The following ATAD2B variants were observed in gnomAD, a reference collection of about 807,000 sequenced individuals.
ATAD2B encodes the protein ATPase family AAA domain containing 2B.
A neutral mutation model predicts 167.6 loss-of-function variants in ATAD2B; 40 were observed. That is an observed-to-expected ratio of 0.24 (90% CI 0.19 to 0.31). The LOEUF (loss-of-function observed/expected upper bound fraction) is 0.31, where lower values mean the gene tolerates loss of function less well. ATAD2B is among the 10% of genes least tolerant of loss of function. The pLI is 1.00. For synonymous variants in ATAD2B, 579 were observed against 596.5 expected, an observed-to-expected ratio of 0.97 and a Z score of 0.43; for missense variants, 1,242 against 1,757.2, an observed-to-expected ratio of 0.71 and a Z score of 5.24.
At chr2:23,860,267 C>T (rs1694142566) in intron 12 of ATAD2B, among the ~76,000 whole-genome samples, 1 of 152,202 alleles carries the variant, frequency 6.6e-6, no homozygotes, top group African/African-American at 2.4e-5. Context: ...CTAAATTACA[C>T]AGTCTGTGAT....
chr2:23,696,843 C>T, the ATAD2B span: 1 of 245,564 alleles, frequency 4.1e-6, no homozygotes, highest in Non-Finnish European at 7.8e-6. The surrounding 1 kb of genome is among the most constrained non-coding windows in gnomAD (Gnocchi z 5.5). Flanking sequence ...CCCTCCTGGC[C>T]AGGCAGTCAG....
At chr2:23,768,773 TTCAC>T (rs1462895856) in intron 22 of ATAD2B, among the ~76,000 whole-genome samples, 1 of 152,208 alleles carries the variant, frequency 6.6e-6, no homozygotes, top group Non-Finnish European at 1.5e-5. Context: ...TCAGGATTCT[TTCAC>T]TCAGCATAAT....
At chr2:23,695,130 G>A in the ATAD2B span, among the ~76,000 whole-genome samples, 32 of 152,256 alleles carry the variant, frequency 2.1e-4, 2 homozygotes, top group Admixed American at 1.6e-3. The surrounding 1 kb of genome is among the most constrained non-coding windows in gnomAD (Gnocchi z 7.6). Flanking sequence ...GAAAGTTTTC[G>A]GTGCTGGAGA....
intron 2 of ATAD2B, among the ~76,000 whole-genome samples, chr2:23,889,250 C>A (rs1480891007): frequency 6.6e-6 from 1 of 152,072 alleles, no homozygotes; most frequent in Non-Finnish European, 1.5e-5. Context: ...TTACTGCTAC[C>A]TCCGTCTCCC....
Position 23,751,591 on chromosome 2 carries a change from G to A in ATAD2B, c.*455C>T, listed in dbSNP as rs1675358302. 1 of 158,828 alleles carries A rather than the reference G, an allele frequency of 6.3e-6. No homozygotes were observed. The highest frequency in any genetic ancestry group is 1.9e-4 in the South Asian group (1 of 5,340). The allele number at this position is 158,828 out of a possible 1,614,324, so 9.8% of individuals were successfully genotyped here. A position where few individuals can be genotyped will look rare whatever the true frequency, so the allele number is the denominator to read the frequency against. On this transcript the variant is annotated 3_prime_UTR_variant, in exon 28 of 28. Transcript: ENST00000238789. Reference sequence around the variant, plus strand: ...ACAGGTTTCAGTCCATTACCCAGATGGGGGAAAAATATGATTAAAGGGGTA... The same window carrying A: ...ACAGGTTTCAGTCCATTACCCAGATAGGGGAAAAATATGATTAAAGGGGTA...
At chr2:23,773,590 CAG>C (rs1462868808) in intron 22 of ATAD2B, among the ~76,000 whole-genome samples, 1 of 152,168 alleles carries the variant, frequency 6.6e-6, no homozygotes, top group African/African-American at 2.4e-5. Flanking sequence ...TTTGTGGATT[CAG>C]AGACTCACTC....
intron 7 of ATAD2B, among the ~76,000 whole-genome samples, chr2:23,880,369 T>C (rs562789276): frequency 1.3e-5 from 2 of 152,188 alleles, no homozygotes; most frequent in African/African-American, 4.8e-5. Context: ...AGGGCATTTT[T>C]AGTAGAGATG....
chr2:23,692,450 G>A, the ATAD2B span, among the ~76,000 whole-genome samples: 1 of 152,254 alleles, frequency 6.6e-6, no homozygotes, highest in African/African-American at 2.4e-5. Flanking sequence ...CAAGGTGAGG[G>A]AGGGACAAAG....
the ATAD2B span, chr2:23,684,330 CTTTT>C: frequency 1.3e-5 from 16 of 1,205,714 alleles, no homozygotes; most frequent in South Asian, 2.4e-4. This position sits in a 1 kb window ranked among gnomAD's most constrained non-coding sequence, Gnocchi z 4.4. Flanking sequence ...AGAAAAAAAA[CTTTT>C]TTTAATTAAA....
intron 22 of ATAD2B, among the ~76,000 whole-genome samples, chr2:23,776,047 C>T (rs545134827): frequency 4.2e-4 from 64 of 152,024 alleles, no homozygotes; most frequent in Non-Finnish European, 8.4e-4. Flanking sequence ...ACCCGAGAGA[C>T]GGAGGTTGCA....
intron 2 of ATAD2B, among the ~76,000 whole-genome samples, chr2:23,891,652 C>T (rs904866087): frequency 6.6e-6 from 1 of 151,688 alleles, no homozygotes; most frequent in Admixed American, 6.6e-5. Flanking sequence ...CCACACCTGG[C>T]TAATTTTTGT....
intron 25 of ATAD2B, 159 bp from the exon 26 acceptor site, chr2:23,754,933 T>C: frequency 1.5e-6 from 1 of 664,862 alleles, no homozygotes; most frequent in Non-Finnish European, 2.3e-6. Context: ...ATGTGGTAGA[T>C]TTTTTATTGG....
At chr2:23,822,136 G>GT (rs757051166) in intron 16 of ATAD2B, among the ~76,000 whole-genome samples, 7 of 152,228 alleles carry the variant, frequency 4.6e-5, no homozygotes, top group Admixed American at 1.3e-4. Context: ...AAAATGATTA[G>GT]TTTAATCCAA....
At chr2:23,772,952 C>T (rs1678559859) in intron 22 of ATAD2B, among the ~76,000 whole-genome samples, 1 of 152,166 alleles carries the variant, frequency 6.6e-6, no homozygotes, top group Non-Finnish European at 1.5e-5. Context: ...CCAGGTTTCA[C>T]ACTGGCCTCA....
the ATAD2B span, among the ~76,000 whole-genome samples, chr2:23,710,178 A>G: frequency 1.3e-5 from 2 of 152,228 alleles, no homozygotes; most frequent in Non-Finnish European, 2.9e-5. Flanking sequence ...TTTGCAGTCC[A>G]TATGACAAAG....
At chr2:23,813,253 T>C (rs1310334502) in intron 17 of ATAD2B, among the ~76,000 whole-genome samples, 1 of 151,036 alleles carries the variant, frequency 6.6e-6, no homozygotes, top group Admixed American at 6.6e-5. Flanking sequence ...ATAATTTATA[T>C]GCATATGTTT....
In ATAD2B at chr2:23,750,371, G is replaced by T. The variant is rs1404026248; in HGVS notation, c.*1675C>A. On this transcript the variant is annotated 3_prime_UTR_variant, in exon 28 of 28. Coordinates refer to ENST00000238789, the MANE Select transcript of ATAD2B (RefSeq NM_017552.4). ...CGTTAGATGTAAATGTAAATGCAAAGAAGCACTTTGGATTACTGCAGTAGG... is the reference window on the plus strand; with the variant it reads ...CGTTAGATGTAAATGTAAATGCAAATAAGCACTTTGGATTACTGCAGTAGG... 6.6e-6 allele frequency: 1 copy of T among 152,092 alleles called. No homozygotes were observed. Among genetic ancestry groups the T allele is most frequent in the African/African-American group, 2.4e-5 (1 of 41,418 alleles). The allele number at this position is 152,092 out of a possible 1,614,324, so 9.4% of individuals were successfully genotyped here. A position where few individuals can be genotyped will look rare whatever the true frequency, so the allele number is the denominator to read the frequency against.
intron 16 of ATAD2B, 25 bp downstream of exon 16, chr2:23,823,232 CA>C: frequency 6.5e-7 from 1 of 1,533,204 alleles, no homozygotes; most frequent in Non-Finnish European, 8.9e-7. Context: ...TTCATCTTAA[CA>C]ATATAAAAAA....
At chr2:23,775,222 A>AT (rs151072060) in intron 22 of ATAD2B, among the ~76,000 whole-genome samples, 4,901 of 147,128 alleles carry the variant, frequency 0.033, 276 homozygotes, top group African/African-American at 0.11. Context: ...TTTATGTTTT[A>AT]TTTTTTTTTT....
Sources: gnomAD v4.1 joint callset for allele counts (sites outside exome capture counted in the v4.1 genomes callset) on GRCh38, gnomAD v4.1.1 for gene constraint, Gnocchi (gnomAD v3.1) non-coding constraint, MANE v1.5 for transcripts, NCBI Gene and HGNC (gene_info 2026-07-23, HGNC 2026-07-21) for gene names.